The following C17orf67 variants were observed in gnomAD, a reference collection of about 807,000 sequenced individuals.
C17orf67 encodes the protein chromosome 17 open reading frame 67.
C17orf67 carries 12 observed loss-of-function variants against 11.2 expected under a neutral mutation model. The ratio of observed to expected loss-of-function variants is 1.07; its 90% confidence interval spans 0.68 to 1.73. The LOEUF is 1.73. Among genes scored for constraint, C17orf67 ranks in the 40% most tolerant of loss-of-function variants. The probability of loss-of-function intolerance (pLI) is 0.00; values close to 1 mark genes in which losing one functional copy is unlikely to be tolerated. For missense variants in C17orf67, 115 were observed against 113.5 expected (o/e 1.01, Z -0.06); for synonymous variants, 59 against 46.9 (o/e 1.26, Z -1.05).
intron 6 of C17orf67, among the ~76,000 whole-genome samples, chr17:56,798,181 C>T (rs1488931015): frequency 6.6e-6 from 1 of 152,232 alleles, no homozygotes; most frequent in Non-Finnish European, 1.5e-5. Context: ...CCCTTCTACC[C>T]AGCCCGACTG....
chr17:56,821,035 A>C (rs1905891316), intron 4 of C17orf67, among the ~76,000 whole-genome samples: 1 of 152,034 alleles, frequency 6.6e-6, no homozygotes, highest in African/African-American at 2.4e-5. Flanking sequence ...TCAGCTTCTC[A>C]AATAGCTGGA....
chr17:56,826,436 A>G (rs1906034213), intron 2 of C17orf67, among the ~76,000 whole-genome samples: 1 of 152,200 alleles, frequency 6.6e-6, no homozygotes, highest in South Asian at 2.1e-4. Context: ...ACTGACAAGC[A>G]CAAGGGGACA....
chr17:56,802,582 T>G (rs1905350370), intron 6 of C17orf67, among the ~76,000 whole-genome samples: 1 of 152,214 alleles, frequency 6.6e-6, no homozygotes, highest in Admixed American at 6.5e-5. Context: ...AGTCTCTTTA[T>G]TAAACACTCT....
chr17:56,833,275 C>A lies in C17orf67; in HGVS notation c.-934G>T. The A allele has an allele frequency of 1.9e-5, 3 of 154,536 alleles. No homozygotes were observed. In the South Asian group the frequency reaches 5.3e-4, roughly 27 times the overall value. 9.6% of individuals were successfully genotyped at this position (154,536 alleles called of 1,614,324 possible). ...TGCTGCAGGCTGCAGCCCGCGTGGT[C>A]GCGGCTCAGGTCCGTGTTGGGCTGG... is the stretch of plus-strand genomic sequence containing the variant. On this transcript the variant is annotated 5_prime_UTR_variant, in exon 2 of 8. Transcript: ENST00000397861.
intron 6 of C17orf67, among the ~76,000 whole-genome samples, chr17:56,807,516 T>A (rs1400041579): frequency 6.6e-6 from 1 of 152,150 alleles, no homozygotes; most frequent in Non-Finnish European, 1.5e-5. Context: ...GTAAGGCCCG[T>A]GCAGCCCAGC....
chr17:56,811,574 C>A (rs952219980), intron 6 of C17orf67, among the ~76,000 whole-genome samples: 1 of 151,872 alleles, frequency 6.6e-6, no homozygotes, highest in Admixed American at 6.5e-5. Flanking sequence ...TGCAGAGCCG[C>A]AGTCCATTGT....
chr17:56,798,714 T>C (rs141713721), intron 6 of C17orf67, among the ~76,000 whole-genome samples: 2 of 152,074 alleles, frequency 1.3e-5, no homozygotes, highest in Non-Finnish European at 2.9e-5. Flanking sequence ...ATGCCTGTAG[T>C]CCCAGCTACT....
intron 6 of C17orf67, among the ~76,000 whole-genome samples, chr17:56,799,963 A>C (rs1458323753): frequency 7.2e-6 from 1 of 138,696 alleles, no homozygotes; most frequent in Non-Finnish European, 1.5e-5. Context: ...ACAGTGATAC[A>C]TATTACTTTC....
intron 6 of C17orf67, among the ~76,000 whole-genome samples, chr17:56,798,820 C>T (rs1316966497): frequency 4.6e-5 from 7 of 152,032 alleles, no homozygotes; most frequent in African/African-American, 7.3e-5. Flanking sequence ...GGAGACAGTA[C>T]GAGCCTTTGT....
intron 4 of C17orf67, among the ~76,000 whole-genome samples, chr17:56,820,231 G>A (rs964836580): frequency 3.3e-5 from 5 of 152,108 alleles, no homozygotes; most frequent in Admixed American, 6.5e-5. Context: ...TCTAAATAAG[G>A]ACCCAAAACA....
intron 6 of C17orf67, among the ~76,000 whole-genome samples, chr17:56,805,737 G>A (rs967100833): frequency 6.6e-6 from 1 of 152,056 alleles, no homozygotes; most frequent in Non-Finnish European, 1.5e-5. Context: ...AATGTTCTGA[G>A]TGTTGTTTAT....
intron 4 of C17orf67, among the ~76,000 whole-genome samples, chr17:56,823,773 G>A (rs1302902213): frequency 6.6e-6 from 1 of 152,164 alleles, no homozygotes; most frequent in Non-Finnish European, 1.5e-5. Context: ...GTTTATAACA[G>A]TTTTATTCAT....
intron 2 of C17orf67, among the ~76,000 whole-genome samples, chr17:56,830,889 A>C (rs116946289): frequency 0.055 from 8,377 of 152,256 alleles, 282 homozygotes; most frequent in Admixed American, 0.1. Context: ...TGGGCAACGA[A>C]GACATAGGGA....
chr17:56,830,952 G>A (rs1051451043), intron 2 of C17orf67, among the ~76,000 whole-genome samples: 2 of 152,246 alleles, frequency 1.3e-5, no homozygotes, highest in Non-Finnish European at 2.9e-5. Context: ...AAGGGGGCAT[G>A]AGTCTGGTGG....
At chr17:56,793,958 T>A (rs1327598340) in intron 7 of C17orf67, among the ~76,000 whole-genome samples, 2 of 152,130 alleles carry the variant, frequency 1.3e-5, no homozygotes, top group Non-Finnish European at 2.9e-5. Context: ...GATCCTCTCA[T>A]TATCTGTGAA....
At position 56,814,884 on chromosome 17, in the gene C17orf67, G is replaced by A. The variant is rs1259524223; in HGVS notation, c.141C>T (p.Pro47=). ...RQDRPSKPGF[P]DEPMREYMHH... ...AAGCACTCACCCGCATTGGCTCATC[G>A]GGGAATCCGGGTTTGCTTGGTCTAT... Residue 47 remains proline, a synonymous_variant, in exon 6 of 8, where the codon CCC becomes CCT. Coordinates refer to ENST00000397861, the MANE Select transcript of C17orf67 (RefSeq NM_001085430.4). The A allele has an allele frequency of 1.1e-5, 18 of 1,613,814 alleles. No individual in the cohort carries two copies. The highest frequency in any genetic ancestry group is 5.3e-5 in the African/African-American group (4 of 74,880).
At chr17:56,827,906 T>A (rs114314495) in intron 2 of C17orf67, among the ~76,000 whole-genome samples, 1,867 of 152,226 alleles carry the variant, frequency 0.012, 37 homozygotes, top group African/African-American at 0.043. Flanking sequence ...ATTAGCATCA[T>A]TTAAAAATGT....
rs1906273925 is a variant in C17orf67, at chr17:56,833,032, C to T, written c.-691G>A. ...TCTTTTCTGTTCCTTTGGTCCCTTG[C>T]TTCGGTGTGTGTTTTCTTTCCATCT... On this transcript the variant is annotated 5_prime_UTR_variant, in exon 2 of 8. Coordinates refer to ENST00000397861, the MANE Select transcript of C17orf67 (RefSeq NM_001085430.4). The T allele has an allele frequency of 1.3e-5, 2 of 152,368 alleles. No individual in the cohort carries two copies. Among genetic ancestry groups the T allele is most frequent in the Admixed American group, 1.3e-4 (2 of 15,308 alleles). The allele number at this position is 152,368 out of a possible 1,614,324, so 9.4% of individuals were successfully genotyped here. A position where few individuals can be genotyped will look rare whatever the true frequency, so the allele number is the denominator to read the frequency against.
At chr17:56,795,535 T>A (rs2144109749) in intron 6 of C17orf67, among the ~76,000 whole-genome samples, 1 of 152,308 alleles carries the variant, frequency 6.6e-6, no homozygotes, top group Admixed American at 6.5e-5. Context: ...TCACCTGATA[T>A]CTGATATTAC....
Sources: allele counts gnomAD v4.1 joint callset (sites outside exome capture counted in the v4.1 genomes callset), GRCh38; gene constraint gnomAD v4.1.1; transcripts MANE v1.5; gene names NCBI Gene and HGNC (gene_info 2026-07-23, HGNC 2026-07-21).